Variants in SRGAP3 observed in about 807,000 individuals in gnomAD.
The protein encoded by SRGAP3 is SLIT-ROBO Rho GTPase-activating protein 3.
A neutral mutation model predicts 121.1 loss-of-function variants in SRGAP3; 39 were observed. That is an observed-to-expected ratio of 0.32 (90% CI 0.25 to 0.42). The LOEUF (loss-of-function observed/expected upper bound fraction) is 0.42. Among genes scored for constraint, SRGAP3 ranks in the 10% least tolerant of loss-of-function variants. SRGAP3 has a pLI of 1.00. For missense variants in SRGAP3, 1,213 were observed against 1,470.6 expected (o/e 0.82, Z 2.86); for synonymous variants, 601 against 570.0 (o/e 1.05, Z -0.77).
intron 3 of SRGAP3, among the ~76,000 whole-genome samples, chr3:9,254,956 AG>A (rs1954098598): frequency 6.7e-6 from 1 of 150,346 alleles, no homozygotes; most frequent in African/African-American, 2.5e-5. Flanking sequence ...AGAAAGAAAG[AG>A]AAAAGAAAGA....
intron 6 of SRGAP3, chr3:9,059,155 C>T (rs1945994349): frequency 6.6e-6 from 1 of 152,544 alleles, no homozygotes; most frequent in African/African-American, 2.4e-5. Flanking sequence ...CTCCAGGGGT[C>T]CACATTTCCC....
chr3:9,084,710 CTT>C (rs1947384579), intron 3 of SRGAP3, among the ~76,000 whole-genome samples: 1 of 152,194 alleles, frequency 6.6e-6, no homozygotes, highest in Non-Finnish European at 1.5e-5. Flanking sequence ...CCCAGATTCA[CTT>C]TGTTAAGAGG....
intron 3 of SRGAP3, among the ~76,000 whole-genome samples, chr3:9,289,910 C>T (rs1954843513): frequency 6.6e-6 from 1 of 152,114 alleles, no homozygotes; most frequent in African/African-American, 2.4e-5. Flanking sequence ...GAGTTTGAGA[C>T]CAGCCTGGCC....
chr3:9,050,660 T>C (rs1443519511), intron 9 of SRGAP3, among the ~76,000 whole-genome samples: 1 of 152,244 alleles, frequency 6.6e-6, no homozygotes, highest in Non-Finnish European at 1.5e-5. Context: ...AGAATTCTCC[T>C]AACTTCGAGT....
chr3:9,117,135 C>T (rs766627000), intron 2 of SRGAP3, among the ~76,000 whole-genome samples: 48 of 152,350 alleles, frequency 3.2e-4, no homozygotes, highest in Non-Finnish European at 6.2e-4. Flanking sequence ...ATAGTAATAG[C>T]TGTGAATGGA....
intron 3 of SRGAP3, among the ~76,000 whole-genome samples, chr3:9,086,725 T>C (rs1408179114): frequency 1.3e-5 from 1 of 74,750 alleles, no homozygotes; most frequent in Non-Finnish European, 3.7e-5. Flanking sequence ...CATATACATA[T>C]AATATGTATT....
chr3:9,211,842 AT>A (rs61042099), intron 1 of SRGAP3, among the ~76,000 whole-genome samples: 25,775 of 151,542 alleles, frequency 0.17, 2,467 homozygotes, highest in East Asian at 0.49. Context: ...TGCCCAGCTA[AT>A]TTTTTTATTC....
At chr3:9,094,571 G>C (rs1947894293) in intron 3 of SRGAP3, among the ~76,000 whole-genome samples, 1 of 152,062 alleles carries the variant, frequency 6.6e-6, no homozygotes. Flanking sequence ...CAAGGAGCTG[G>C]ACTTATTTAC....
At chr3:9,276,611 G>C (rs565120736) in intron 3 of SRGAP3, among the ~76,000 whole-genome samples, 21 of 152,172 alleles carry the variant, frequency 1.4e-4, no homozygotes, top group African/African-American at 4.8e-4. Context: ...ATTTTTAGTA[G>C]AGACAGGGTT....
intron 10 of SRGAP3, among the ~76,000 whole-genome samples, chr3:9,043,469 G>A (rs952511160): frequency 2.0e-5 from 3 of 152,054 alleles, no homozygotes; most frequent in Admixed American, 6.6e-5. Flanking sequence ...AACAGAAGGG[G>A]GCAGGTAGAA....
chr3:9,360,950 G>C (rs1293830844), intron 1 of SRGAP3, among the ~76,000 whole-genome samples: 1 of 152,116 alleles, frequency 6.6e-6, no homozygotes, highest in Non-Finnish European at 1.5e-5. Flanking sequence ...TGGAACTGTT[G>C]ATTTTTTGTT....
intron 3 of SRGAP3, among the ~76,000 whole-genome samples, chr3:9,282,976 A>T (rs1954706983): frequency 6.7e-6 from 1 of 150,156 alleles, no homozygotes; most frequent in Non-Finnish European, 1.5e-5. Context: ...TCACCCTGTC[A>T]CTCAGGCTGG....
At chr3:9,140,104 C>T (rs1949795029) in intron 1 of SRGAP3, among the ~76,000 whole-genome samples, 1 of 149,534 alleles carries the variant, frequency 6.7e-6, no homozygotes, top group Non-Finnish European at 1.5e-5. Flanking sequence ...AATAATTCTC[C>T]TTCTAGGCTC....
intron 1 of SRGAP3, among the ~76,000 whole-genome samples, chr3:9,360,926 T>C (rs1448893714): frequency 6.6e-6 from 1 of 152,232 alleles, no homozygotes; most frequent in Non-Finnish European, 1.5e-5. Context: ...TTGCCCCACA[T>C]ACTCATTAGA....
intron 8 of SRGAP3, among the ~76,000 whole-genome samples, 177 bp downstream of exon 8, chr3:9,056,056 T>C (rs1423787121): frequency 2.0e-5 from 3 of 152,186 alleles, no homozygotes; most frequent in Non-Finnish European, 4.4e-5. Context: ...TAACATCTTA[T>C]AAATGTTCCT....
chr3:9,330,971 T>C (rs1246917552), intron 1 of SRGAP3, among the ~76,000 whole-genome samples: 2 of 152,212 alleles, frequency 1.3e-5, no homozygotes, highest in African/African-American at 4.8e-5. Context: ...CCAAAAGGAC[T>C]CAAATATAGA....
chr3:9,029,559 T>C (rs1944376851), intron 12 of SRGAP3, among the ~76,000 whole-genome samples: 1 of 152,254 alleles, frequency 6.6e-6, no homozygotes, highest in Admixed American at 6.5e-5. Context: ...GTCCCAGTGA[T>C]GTTATTTTAT....
At chr3:9,080,802 G>T (rs1463166545) in intron 3 of SRGAP3, among the ~76,000 whole-genome samples, 1 of 152,154 alleles carries the variant, frequency 6.6e-6, no homozygotes, top group Non-Finnish European at 1.5e-5. Context: ...TCTAATGCAG[G>T]ATGATCTGTC....
At chr3:9,293,727 CG>C (rs1559263603) in intron 3 of SRGAP3, among the ~76,000 whole-genome samples, 2 of 151,752 alleles carry the variant, frequency 1.3e-5, no homozygotes, top group South Asian at 2.1e-4. Context: ...AACAAACATA[CG>C]AAAAAAAATC....
Sources: gnomAD v4.1 joint callset for allele counts (sites outside exome capture counted in the v4.1 genomes callset) on GRCh38, gnomAD v4.1.1 for gene constraint, MANE v1.5 for transcripts, NCBI Gene and HGNC (gene_info 2026-07-23, HGNC 2026-07-21) for gene names.